Variants in CAPN14 observed in about 807,000 individuals in gnomAD.
The protein encoded by CAPN14 is calpain-14.
CAPN14 carries 94 observed loss-of-function variants against 101.3 expected under a neutral mutation model. The ratio of observed to expected loss-of-function variants is 0.93; its 90% CI spans 0.79 to 1.10. The LOEUF (loss-of-function observed/expected upper bound fraction) is 1.10, where lower values mean the gene tolerates loss of function less well. CAPN14 is among the 50% of genes least tolerant of loss of function. The pLI, the probability that CAPN14 is intolerant of heterozygous loss-of-function variation, is 0.00. For missense variants in CAPN14, 837 were observed against 828.4 expected (o/e 1.01, Z -0.13); for synonymous variants, 338 against 317.9 (o/e 1.06, Z -0.67).
In CAPN14 at chr2:31,206,180, C is replaced by T. The variant is rs188591927; in HGVS notation, c.-52-681G>A. 3.7e-3 allele frequency among the ~76,000 whole-genome samples: 555 copies of T among 151,978 alleles called. 7 individuals carry two copies. The highest frequency in any genetic ancestry group is 0.036 in the South Asian group (174 of 4,814). On this transcript the variant is annotated intron_variant, in intron 1 of 21. Transcript: ENST00000403897. ...CCCGAGTAGCTGGGATTAGCAAGGC[C>T]GCAGGGGGTGCTGGGGGCCAGCAGC...
chr2:31,189,455 C>G lies in CAPN14; in HGVS notation c.1311G>C (p.Leu437=), dbSNP rs758388235. 1.3e-6 allele frequency: 2 copies of G among 1,551,540 alleles called. No homozygotes were observed. The highest frequency in any genetic ancestry group is 2.4e-5 in the South Asian group (2 of 84,058). Residue 437 remains leucine (L), a synonymous_variant, in exon 13 of 22, where the codon CTG becomes CTC. Coordinates refer to ENST00000403897, the MANE Select transcript of CAPN14 (RefSeq NM_001145122.2). ...TGTTTCTCTGGAAGAACTCAGGGGG[C>G]AGTCTCCTCTGGTCATCATGGTACT... ...MNKYHDDQRR[L]PPEFFQRNTP...
At chr2:31,209,635 G>A (rs1408217608) in intron 1 of CAPN14, among the ~76,000 whole-genome samples, 1 of 152,114 alleles carries the variant, frequency 6.6e-6, no homozygotes, top group Non-Finnish European at 1.5e-5. Flanking sequence ...AGGTAAATGG[G>A]AACATTTTAA....
At chr2:31,205,553 T>C (rs1558629727) in intron 1 of CAPN14, 54 bp from the exon 2 acceptor site, 2 of 909,826 alleles carry the variant, frequency 2.2e-6, no homozygotes, top group Admixed American at 2.1e-5. Context: ...TGCTTTGCCA[T>C]TGCCACAGAG....
In CAPN14 at chr2:31,210,427, G is replaced by A. The variant is rs147209604; in HGVS notation, c.-52-4928C>T. Among the ~76,000 whole-genome samples the A allele has an allele frequency of 6.4e-3, 952 of 149,686 alleles. 7 individuals are homozygous for A. The highest frequency in any genetic ancestry group is 0.014 in the African/African-American group (538 of 39,364). On this transcript the variant is annotated intron_variant, in intron 1 of 21. Transcript: ENST00000403897. ...TGCGCCACTGCACTCCAGCCTGGGCGACAGAGCGTGTCTCCATCTCAAAAA... is the reference window on the plus strand; with the variant it reads ...TGCGCCACTGCACTCCAGCCTGGGCAACAGAGCGTGTCTCCATCTCAAAAA...
intron 18 of CAPN14, 45 bp downstream of exon 18, chr2:31,178,466 T>C (rs1432666460): frequency 6.9e-7 from 1 of 1,439,112 alleles, no homozygotes; most frequent in South Asian, 1.2e-5. Flanking sequence ...GAACTGCCAT[T>C]CCTACACCAT....
At position 31,230,440 on chromosome 2, in the gene CAPN14, G is replaced by C. The variant is rs1301771743; in HGVS notation, c.-177+3351C>G. On this transcript the variant is annotated intron_variant and NMD_transcript_variant, in intron 1 of 21. Transcript: ENST00000398824. The surrounding 1 kb of genome is among the most constrained non-coding windows in gnomAD (Gnocchi z 4.3). ...CAGCTTCACTAAGCAATGCCAAACTGTTTCCCAAAGTATTTGTGCCAGCCT... is the reference window on the plus strand; with the variant it reads ...CAGCTTCACTAAGCAATGCCAAACTCTTTCCCAAAGTATTTGTGCCAGCCT... 2.0e-5 allele frequency among the ~76,000 whole-genome samples: 3 copies of C among 152,210 alleles called. No homozygotes were observed. The highest frequency in any genetic ancestry group is 4.4e-5 in the Non-Finnish European group (3 of 68,042).
Position 31,205,265 on chromosome 2 carries a change from C to T in CAPN14, c.183G>A (p.Leu61=). The change falls in exon 2 of 22, where the codon CTG becomes CTA. Residue 61 remains leucine (L), a synonymous_variant. Transcript: ENST00000403897. ...ATLSSIGSGS[L]LQKLPPRLQW... is the part of the protein sequence containing the mutation. ...GCAGGCGGGGTGGCAGCTTCTGCAG[C>T]AGGGAGCCACTGCCGATGGAGCTCA... The T allele has an allele frequency of 6.5e-7, 1 of 1,549,956 alleles. No homozygotes were observed. The highest frequency in any genetic ancestry group is 8.7e-7 in the Non-Finnish European group (1 of 1,146,982).
intron 1 of CAPN14, among the ~76,000 whole-genome samples, chr2:31,206,603 G>A (rs1345430066): frequency 6.6e-6 from 1 of 152,102 alleles, no homozygotes. Flanking sequence ...TCTTGCTAAT[G>A]TAAAAGGGGG....
At chr2:31,228,301 G>C (rs1329147464) in intron 1 of CAPN14, 1 of 152,230 alleles carries the variant, frequency 6.6e-6, no homozygotes, top group African/African-American at 2.4e-5. Context: ...TTGTGGATGA[G>C]AAAGGGAAGT....
intron 12 of CAPN14, among the ~76,000 whole-genome samples, chr2:31,190,137 T>TTCTCTCTCTCTCTC (rs3031867): frequency 0.01 from 1,467 of 142,708 alleles, 11 homozygotes; most frequent in South Asian, 0.026. Context: ...CTGATTCATA[T>TTCTCTCTCTCTCTC]TCTCTCTCTC....
chr2:31,228,773 C>T (rs1170283272), intron 1 of CAPN14, among the ~76,000 whole-genome samples: 3 of 152,148 alleles, frequency 2.0e-5, no homozygotes, highest in Non-Finnish European at 2.9e-5. Context: ...TGAAAAAATG[C>T]TATTGCCATC....
chr2:31,203,427 G>A (rs1473335889), intron 2 of CAPN14, among the ~76,000 whole-genome samples: 1 of 152,058 alleles, frequency 6.6e-6, no homozygotes, highest in African/African-American at 2.4e-5. Flanking sequence ...TATTAAAAAT[G>A]GAAACACTTT....
intron 16 of CAPN14, among the ~76,000 whole-genome samples, chr2:31,185,958 C>T (rs942421481): frequency 3.3e-5 from 5 of 152,154 alleles, no homozygotes; most frequent in African/African-American, 9.7e-5. Context: ...GAAAGCCTCA[C>T]GCTACTCATT....
chr2:31,232,080 C>A (rs1028271840), intron 1 of CAPN14, among the ~76,000 whole-genome samples: 1 of 152,084 alleles, frequency 6.6e-6, no homozygotes, highest in African/African-American at 2.4e-5. Context: ...CTCTGATAAT[C>A]CCCCCTCCCC....
intron 1 of CAPN14, among the ~76,000 whole-genome samples, chr2:31,216,199 T>C (rs1558636432): frequency 6.6e-6 from 1 of 152,194 alleles, no homozygotes; most frequent in African/African-American, 2.4e-5. Context: ...TCCATTTACA[T>C]AACTTTCAAA....
intron 6 of CAPN14, among the ~76,000 whole-genome samples, chr2:31,199,763 G>C (rs1681655691): frequency 6.6e-6 from 1 of 152,166 alleles, no homozygotes; most frequent in South Asian, 2.1e-4. Context: ...TTTTACAGAG[G>C]ACAAACTCTA....
At position 31,201,927 on chromosome 2, in the gene CAPN14, C is replaced by T; in HGVS notation, c.486G>A (p.Leu162=). ...TCTTATAGGTGGAGGAGACAAAGAC[C>T]AGCTGGCCAGCCTCATTCACAGGCA... The part of the protein sequence containing the change: ...DRLPVNEAGQ[L]VFVSSTYKNL... Residue 162 remains leucine (L), a synonymous_variant, in exon 5 of 22, where the codon CTG becomes CTA. Coordinates refer to ENST00000403897, the MANE Select transcript of CAPN14 (RefSeq NM_001145122.2). 6.4e-7 allele frequency: 1 copy of T among 1,551,712 alleles called. No homozygotes were observed. The highest frequency in any genetic ancestry group is 2.0e-5 in the Admixed American group (1 of 51,002).
chr2:31,193,951 T>A (rs1012497747), intron 9 of CAPN14, among the ~76,000 whole-genome samples: 1 of 151,912 alleles, frequency 6.6e-6, no homozygotes, highest in African/African-American at 2.4e-5. Context: ...AGAAGCAGCA[T>A]CAGCTCAGGA....
Position 31,203,144 on chromosome 2 carries a change from G to T in CAPN14, c.226-5C>A, listed in dbSNP as rs1365115835. On this transcript the variant is annotated splice_region_variant and splice_polypyrimidine_tract_variant and intron_variant, in intron 2 of 21. Transcript: ENST00000403897. ...CTGGGGATTGCTGTGCAGCTCCTGGGAAAGACAAACAGAATTGTCATTCTG... is the reference window on the plus strand; with the variant it reads ...CTGGGGATTGCTGTGCAGCTCCTGGTAAAGACAAACAGAATTGTCATTCTG... The T allele has an allele frequency of 6.4e-7, 1 of 1,551,240 alleles. No individual in the cohort carries two copies. The highest frequency in any genetic ancestry group is 1.4e-5 in the African/African-American group (1 of 73,014).
Sources: gnomAD v4.1 joint callset for allele counts (sites outside exome capture counted in the v4.1 genomes callset) on GRCh38, gnomAD v4.1.1 for gene constraint, Gnocchi (gnomAD v3.1) non-coding constraint, MANE v1.5 for transcripts, NCBI Gene and HGNC (gene_info 2026-07-23, HGNC 2026-07-21) for gene names.